ZNF407: variants seen among roughly 807,000 people sequenced by gnomAD.
ZNF407 encodes the protein zinc finger protein 407.
A neutral mutation model predicts 131.2 loss-of-function variants in ZNF407; 17 were observed. The observed-to-expected ratio is 0.13, with a 90% CI of 0.09 to 0.19. ZNF407 has a LOEUF of 0.19. Among genes scored for constraint, ZNF407 ranks in the 10% least tolerant of loss-of-function variants. ZNF407 has a pLI of 1.00. For synonymous variants in ZNF407, 1,156 were observed against 1,062.0 expected (o/e 1.09, Z -1.72); for missense variants, 2,681 against 2,830.6 (o/e 0.95, Z 1.20).
intron 8 of ZNF407, among the ~76,000 whole-genome samples, chr18:75,054,584 A>G (rs76457187): frequency 4.1e-4 from 62 of 152,350 alleles, no homozygotes; most frequent in African/African-American, 1.4e-3. Context: ...GCTTATTTGC[A>G]TAATTTTACC....
intron 3 of ZNF407, among the ~76,000 whole-genome samples, chr18:74,742,093 A>G (rs1968563545): frequency 6.6e-6 from 1 of 152,194 alleles, no homozygotes; most frequent in South Asian, 2.1e-4. Context: ...TTAGCCAAGT[A>G]TGGTAATCAA....
intron 4 of ZNF407, among the ~76,000 whole-genome samples, chr18:74,875,415 G>A (rs1034241952): frequency 6.6e-6 from 1 of 152,168 alleles, no homozygotes; most frequent in Non-Finnish European, 1.5e-5. Context: ...CATCACAGTA[G>A]ATTTAAAAAT....
intron 7 of ZNF407, among the ~76,000 whole-genome samples, chr18:74,919,586 A>C (rs1971818825): frequency 6.6e-6 from 1 of 152,204 alleles, no homozygotes; most frequent in Admixed American, 6.5e-5. Flanking sequence ...AGGAAGTCTG[A>C]GGCCAGCATG....
chr18:74,980,314 T>G (rs548424393), intron 8 of ZNF407, among the ~76,000 whole-genome samples: 16 of 152,048 alleles, frequency 1.1e-4, no homozygotes, highest in African/African-American at 3.9e-4. Context: ...CTGAATTTCT[T>G]TTTGTTTTTT....
At chr18:74,959,237 A>G (rs1379429414) in intron 8 of ZNF407, among the ~76,000 whole-genome samples, 3 of 152,226 alleles carry the variant, frequency 2.0e-5, no homozygotes, top group African/African-American at 7.2e-5. Flanking sequence ...CAAGATCGCA[A>G]TACTTCACAA....
At chr18:74,751,884 C>T (rs1018437027) in intron 3 of ZNF407, among the ~76,000 whole-genome samples, 2 of 152,154 alleles carry the variant, frequency 1.3e-5, no homozygotes, top group Non-Finnish European at 2.9e-5. Context: ...TGGGGATATA[C>T]CCAGTAATGG....
At position 74,632,111 on chromosome 18, in the gene ZNF407, A is replaced by G; in HGVS notation, c.1092A>G (p.Glu364=). ...CACAGGAAGTAGAGATTGTTGAAGAACATGTTACTTCCCTTGGTCTAGCTC... is the reference window on the plus strand; with the variant it reads ...CACAGGAAGTAGAGATTGTTGAAGAGCATGTTACTTCCCTTGGTCTAGCTC... The part of the protein sequence containing the change: ...TLSQEVEIVE[E]HVTSLGLAQN... The change falls in exon 2 of 9, where the codon GAA becomes GAG. Residue 364 remains glutamate, a synonymous_variant. Transcript: ENST00000299687. 6.2e-7 allele frequency: 1 copy of G among 1,614,032 alleles called. No homozygotes were observed. Among genetic ancestry groups the G allele is most frequent in the Non-Finnish European group, 8.5e-7 (1 of 1,179,898 alleles).
At chr18:74,743,131 C>A (rs569148562) in intron 3 of ZNF407, among the ~76,000 whole-genome samples, 1 of 152,170 alleles carries the variant, frequency 6.6e-6, no homozygotes, top group African/African-American at 2.4e-5. Flanking sequence ...GACTAGTGTT[C>A]TGTTAACCAA....
intron 8 of ZNF407, among the ~76,000 whole-genome samples, chr18:74,944,844 T>TA (rs760117410): frequency 1.6e-4 from 25 of 152,366 alleles, no homozygotes; most frequent in Non-Finnish European, 4.4e-5. Flanking sequence ...GCCACGTCAC[T>TA]ATTCAAGTAT....
chr18:74,916,274 A>AGTGT (rs1277439476), intron 7 of ZNF407, among the ~76,000 whole-genome samples: 1 of 92,514 alleles, frequency 1.1e-5, no homozygotes, highest in Non-Finnish European at 2.0e-5. Flanking sequence ...TCGAATCGGG[A>AGTGT]GTGTGTGTGT....
chr18:74,742,240 G>A (rs1422592825), intron 3 of ZNF407, among the ~76,000 whole-genome samples: 2 of 152,190 alleles, frequency 1.3e-5, no homozygotes, highest in African/African-American at 4.8e-5. Flanking sequence ...ATTACATAAG[G>A]GAGTCTTGTC....
chr18:74,910,504 C>A (rs924759155), intron 7 of ZNF407, among the ~76,000 whole-genome samples: 5 of 151,898 alleles, frequency 3.3e-5, no homozygotes, highest in Admixed American at 1.3e-4. Context: ...GTATATATGA[C>A]TTAACATTCA....
At chr18:75,058,335 C>T (rs1973585267) in intron 8 of ZNF407, among the ~76,000 whole-genome samples, 1 of 152,220 alleles carries the variant, frequency 6.6e-6, no homozygotes, top group Non-Finnish European at 1.5e-5. Context: ...ACTTTCAATG[C>T]ATTCGGCTCT....
chr18:74,808,090 C>T (rs1308079794), intron 4 of ZNF407, among the ~76,000 whole-genome samples: 1 of 151,958 alleles, frequency 6.6e-6, no homozygotes, highest in Non-Finnish European at 1.5e-5. Context: ...CTCGGCACAC[C>T]GCAACTTCCG....
chr18:75,059,033 G>A (rs1973594270), intron 8 of ZNF407, among the ~76,000 whole-genome samples: 1 of 152,210 alleles, frequency 6.6e-6, no homozygotes. Flanking sequence ...TTTATGAACT[G>A]TGATGGACTC....
intron 4 of ZNF407, among the ~76,000 whole-genome samples, chr18:74,818,892 A>G (rs1220831030): frequency 2.7e-5 from 4 of 149,052 alleles, no homozygotes; most frequent in Non-Finnish European, 6.0e-5. Flanking sequence ...CTAAACATGA[A>G]TAAAGACTAA....
At position 75,064,160 on chromosome 18, in the gene ZNF407, G is replaced by A; in HGVS notation, c.6439G>A (p.Val2147Met). 6.2e-6 allele frequency: 10 copies of A among 1,604,914 alleles called. No homozygotes were observed. The highest frequency in any genetic ancestry group is 1.7e-5 in the Admixed American group (1 of 58,918). The change falls in exon 9 of 9, where the codon GTG becomes ATG. Residue 2147 changes from valine to methionine, a missense_variant. Transcript: ENST00000299687. ...CGACGGGGAGATCTCGCAGATCATC[G>A]TGACGGAGGAGCTGGTCCAGGCCAT... The part of the protein sequence containing the change: ...ESDGEISQII[V>M]TEELVQAMVQ...
intron 4 of ZNF407, among the ~76,000 whole-genome samples, chr18:74,816,185 CATATT>C (rs1382322722): frequency 1.3e-5 from 2 of 152,098 alleles, no homozygotes; most frequent in African/African-American, 4.8e-5. Flanking sequence ...GGGTAATTAT[CATATT>C]ATATTTCTGG....
At chr18:75,006,054 G>A (rs1231297437) in intron 8 of ZNF407, among the ~76,000 whole-genome samples, 1 of 152,226 alleles carries the variant, frequency 6.6e-6, no homozygotes, top group Non-Finnish European at 1.5e-5. Context: ...GACACTGAGA[G>A]AGGCATGTCG....
Sources: allele counts gnomAD v4.1 joint callset (sites outside exome capture counted in the v4.1 genomes callset), GRCh38; gene constraint gnomAD v4.1.1; transcripts MANE v1.5; gene names NCBI Gene and HGNC (gene_info 2026-07-23, HGNC 2026-07-21).